BANP: variants seen among roughly 807,000 people sequenced by gnomAD.
BANP encodes the protein protein BANP.
In BANP, 11 loss-of-function variants were observed where a neutral mutation model predicts 68.1. The ratio of observed to expected loss-of-function variants is 0.16; its 90% CI spans 0.10 to 0.27. The LOEUF is 0.27. Ranked by LOEUF, BANP falls within the 10% of genes least tolerant of loss-of-function variation. BANP has a pLI of 1.00. For missense variants in BANP, 504 were observed against 722.7 expected (o/e 0.70, Z 3.47); for synonymous variants, 329 against 303.2 (o/e 1.09, Z -0.88).
intron 11 of BANP, 44 bp downstream of exon 11, chr16:88,038,055 G>A (rs370698328): frequency 3.8e-5 from 61 of 1,596,994 alleles, no homozygotes; most frequent in South Asian, 7.7e-5. Flanking sequence ...TTGCGCTGCC[G>A]AGGGATGGGG....
rs935252852 is a variant in BANP, at chr16:88,027,662, G to C, written c.1063+12G>C. The C allele has an allele frequency of 6.2e-7, 1 of 1,612,568 alleles. No homozygotes were observed. Among genetic ancestry groups the C allele is most frequent in the Non-Finnish European group, 8.5e-7 (1 of 1,179,718 alleles). ...CTACTGCCCTTCAGGTAGGCCTCGT[G>C]CTGCAGGAGAGGCCGCCCTCCCCCG... On this transcript the variant is annotated intron_variant, in intron 8 of 13. Transcript: ENST00000682872.
chr16:88,029,566 A>C lies in BANP; in HGVS notation c.1063+1916A>C, dbSNP rs1377299269. Among the ~76,000 whole-genome samples the C allele has an allele frequency of 9.3e-5, 14 of 150,330 alleles. No homozygotes were observed. The South Asian group carries it at 2.1e-3, about 23-fold the overall frequency. On this transcript the variant is annotated intron_variant, in intron 8 of 13. Coordinates refer to ENST00000682872, the MANE Select transcript of BANP (RefSeq NM_001386991.1). ...GCGGAGCTTGCAGTGAGCCGAGATC[A>C]CACCACTGCACTCCAGCCTGGGCTA...
In BANP at chr16:88,018,833, C is replaced by T. The variant is rs1286531134; in HGVS notation, c.895+166C>T. 6.6e-6 allele frequency among the ~76,000 whole-genome samples: 1 copy of T among 152,194 alleles called. No homozygotes were observed. The highest frequency in any genetic ancestry group is 2.4e-5 in the African/African-American group (1 of 41,436). The stretch of plus-strand genomic sequence containing the variant: ...ATCAGTGCTCGAGGGGATGGATGAG[C>T]TGTTGACCCTGATGTGCTTATTACG... On this transcript the variant is annotated intron_variant, in intron 7 of 13. Coordinates refer to ENST00000682872, the MANE Select transcript of BANP (RefSeq NM_001386991.1). This position sits in a 1 kb window ranked among gnomAD's most constrained non-coding sequence, Gnocchi z 7.7.
chr16:87,986,545 A>G (rs1241952097), intron 4 of BANP, among the ~76,000 whole-genome samples: 1 of 146,086 alleles, frequency 6.8e-6, no homozygotes, highest in Non-Finnish European at 1.5e-5. Context: ...TCACGCATTC[A>G]TTCCCATCTG....
chr16:87,969,566 CCT>C (rs1398307883), intron 1 of BANP, among the ~76,000 whole-genome samples: 6 of 151,304 alleles, frequency 4.0e-5, no homozygotes, highest in Non-Finnish European at 8.8e-5. Context: ...AGAGTCTCCC[CCT>C]GTCACCCAGT....
Position 87,961,408 on chromosome 16 carries a change from C to CCCCCG in BANP, c.-69+9893_-69+9894insCCCCG, listed in dbSNP as rs1567585443. ...CGAACTCCTGGACTCACAGAATCTG[C>CCCCCG]ACCCCCCCGGGCCTCCCAAAGTGCT... On this transcript the variant is annotated intron_variant, in intron 1 of 13. Transcript: ENST00000682872. 1.7e-4 allele frequency among the ~76,000 whole-genome samples: 13 copies of CCCCCG among 78,756 alleles called. 2 individuals carry two copies. Among genetic ancestry groups the CCCCCG allele is most frequent in the Admixed American group, 8.1e-4 (7 of 8,676 alleles). 51.7% of individuals were successfully genotyped at this position (78,756 alleles called of 152,430 possible).
intron 13 of BANP, among the ~76,000 whole-genome samples, chr16:88,075,578 G>A (rs993717569): frequency 1.3e-5 from 2 of 152,158 alleles, no homozygotes; most frequent in Non-Finnish European, 1.5e-5. Flanking sequence ...CTCGGCCGTG[G>A]GCTCGTGGCT....
chr16:88,004,483 C>G lies in BANP; in HGVS notation c.479+72C>G. On this transcript the variant is annotated intron_variant, in intron 5 of 13. Transcript: ENST00000682872. This position sits in a 1 kb window ranked among gnomAD's most constrained non-coding sequence, Gnocchi z 7.0. ...GTCCCATGAGAATAAGTCAACGTCC[C>G]TAAGCCAGGGCACAGTCCAGCACAC... 1.1e-6 allele frequency: 1 copy of G among 876,836 alleles called. No homozygotes were observed. Among genetic ancestry groups the G allele is most frequent in the Non-Finnish European group, 1.8e-6 (1 of 566,698 alleles). The allele number at this position is 876,836 out of a possible 1,614,324, so 54.3% of individuals were successfully genotyped here.
chr16:88,002,436 C>G lies in BANP; in HGVS notation c.363-1859C>G, dbSNP rs1241520956. Among the ~76,000 whole-genome samples, 2 of 152,058 alleles carry G rather than the reference C, an allele frequency of 1.3e-5. No individual in the cohort carries two copies. Among genetic ancestry groups the G allele is most frequent in the African/African-American group, 4.8e-5 (2 of 41,382 alleles). ...TGCGCTGGCTCCTGGGGTCTGTGCCCTAGGTGGATGGTGCATCCAGTGTGT... is the reference window on the plus strand; with the variant it reads ...TGCGCTGGCTCCTGGGGTCTGTGCCGTAGGTGGATGGTGCATCCAGTGTGT... On this transcript the variant is annotated intron_variant, in intron 4 of 13. Transcript: ENST00000682872. The surrounding 1 kb of genome is among the most constrained non-coding windows in gnomAD (Gnocchi z 4.6).
intron 13 of BANP, among the ~76,000 whole-genome samples, chr16:88,073,668 G>A (rs1320613789): frequency 3.3e-5 from 5 of 152,180 alleles, no homozygotes; most frequent in Admixed American, 3.3e-4. Context: ...CCCTGCCGAG[G>A]ACGCGTGGCA....
intron 10 of BANP, among the ~76,000 whole-genome samples, chr16:88,037,051 A>G (rs1198864647): frequency 6.6e-6 from 1 of 152,214 alleles, no homozygotes; most frequent in East Asian, 1.9e-4. Context: ...TCACTGCCAA[A>G]GAGCTCAGCC....
rs566567374 is a variant in BANP at position 87,993,702 on chromosome 16, A to G, written c.362+9443A>G. 6.1e-4 allele frequency among the ~76,000 whole-genome samples: 93 copies of G among 151,794 alleles called. 1 individual carries two copies. Among genetic ancestry groups the G allele is most frequent in the African/African-American group, 1.8e-3 (76 of 41,336 alleles). ...AACCTCCGCCTCCTGGGTTCAAGCA[A>G]TTCTTCTACCTCAACCTCCCAAGTA... On this transcript the variant is annotated intron_variant, in intron 4 of 13. Coordinates refer to ENST00000682872, the MANE Select transcript of BANP (RefSeq NM_001386991.1).
At position 88,071,256 on chromosome 16, in the gene BANP, C is replaced by T. The variant is rs927151141; in HGVS notation, c.1378-813C>T. The T allele has an allele frequency of 4.2e-5, 15 of 358,566 alleles. No homozygotes were observed. Among genetic ancestry groups the T allele is most frequent in the Non-Finnish European group, 7.7e-5 (14 of 182,104 alleles). The allele number at this position is 358,566 out of a possible 1,614,324, so 22.2% of individuals were successfully genotyped here. On this transcript the variant is annotated intron_variant, in intron 12 of 13. Transcript: ENST00000682872. This position sits in a 1 kb window ranked among gnomAD's most constrained non-coding sequence, Gnocchi z 6.5. ...GGGGTGCAACCCCAAGTGAAGACCC[C>T]GTGGCTCATGTCAAGTGCCCTCAGG...
chr16:87,997,558 T>C (rs1177231901), intron 4 of BANP, among the ~76,000 whole-genome samples: 1 of 152,036 alleles, frequency 6.6e-6, no homozygotes, highest in Non-Finnish European at 1.5e-5. Context: ...CCAGGATGGC[T>C]GGGAGTGAGA....
At chr16:87,953,718 C>A (rs1030131568) in intron 1 of BANP, among the ~76,000 whole-genome samples, 1 of 152,176 alleles carries the variant, frequency 6.6e-6, no homozygotes, top group Non-Finnish European at 1.5e-5. Flanking sequence ...CTGTTCCCAT[C>A]GACTCCTTAC....
intron 11 of BANP, among the ~76,000 whole-genome samples, chr16:88,051,700 A>G (rs912884209): frequency 6.6e-6 from 1 of 152,216 alleles, no homozygotes; most frequent in South Asian, 2.1e-4. Context: ...AAAAATCCGC[A>G]TAGAGAAATT....
At chr16:87,991,440 A>T (rs1464531801) in intron 4 of BANP, among the ~76,000 whole-genome samples, 2 of 152,266 alleles carry the variant, frequency 1.3e-5, no homozygotes, top group African/African-American at 4.8e-5. Context: ...AGAATAACTC[A>T]GAACTCATTG....
At chr16:88,067,138 A>G (rs2088894776) in intron 12 of BANP, among the ~76,000 whole-genome samples, 1 of 152,190 alleles carries the variant, frequency 6.6e-6, no homozygotes, top group Non-Finnish European at 1.5e-5. Context: ...GGGAAGGTGA[A>G]GCCGCTGACC....
intron 4 of BANP, among the ~76,000 whole-genome samples, chr16:87,986,965 T>C (rs1164301571): frequency 6.6e-6 from 1 of 152,194 alleles, no homozygotes. Flanking sequence ...TTTGTAAAAA[T>C]TAAGATTAAT....
Sources: allele counts gnomAD v4.1 joint callset (sites outside exome capture counted in the v4.1 genomes callset), GRCh38; gene constraint gnomAD v4.1.1; non-coding constraint Gnocchi (gnomAD v3.1); transcripts MANE v1.5; gene names NCBI Gene and HGNC (gene_info 2026-07-23, HGNC 2026-07-21).